Variants in MAST2 observed in about 807,000 individuals in gnomAD.
MAST2 encodes the protein microtubule associated serine/threonine kinase 2.
Under a neutral mutation model 147.4 loss-of-function variants are expected in MAST2, and 70 were observed. The ratio of observed to expected loss-of-function variants is 0.47; its 90% CI spans 0.39 to 0.58. The LOEUF (loss-of-function observed/expected upper bound fraction) is 0.58, where lower values mean the gene tolerates loss of function less well. Among genes scored for constraint, MAST2 ranks in the 20% least tolerant of loss-of-function variants. The pLI is 0.00. For missense variants in MAST2, 2,080 were observed against 2,302.3 expected, an observed-to-expected ratio of 0.90 and a Z score of 1.98; for synonymous variants, 869 against 896.8, an observed-to-expected ratio of 0.97 and a Z score of 0.55.
At chr1:45,846,093 G>A (rs1465483419) in intron 3 of MAST2, among the ~76,000 whole-genome samples, 1 of 149,374 alleles carries the variant, frequency 6.7e-6, no homozygotes, top group Admixed American at 6.7e-5. Flanking sequence ...AATTAATTGT[G>A]GGAGATCAAC....
chr1:45,810,303 T>C (rs1199953264), intron 1 of MAST2, among the ~76,000 whole-genome samples: 2 of 152,204 alleles, frequency 1.3e-5, no homozygotes, highest in East Asian at 1.9e-4. Context: ...TAAAAAATTA[T>C]TTTAATGGAA....
Position 46,035,083 on chromosome 1 carries a change from C to T in MAST2, c.4414C>T (p.Pro1472Ser), listed in dbSNP as rs763787419. The T allele has an allele frequency of 1.1e-5, 18 of 1,613,540 alleles. No individual in the cohort carries two copies. In the Admixed American group the frequency reaches 3.0e-4, roughly 27 times the overall value. The change falls in exon 29 of 29, where the codon CCT becomes TCT. Residue 1472 changes from proline to serine, a missense_variant. By Grantham distance (74) the Pro-to-Ser change is moderately conservative. Transcript: ENST00000361297. This position sits in a 1 kb window ranked among gnomAD's most constrained non-coding sequence, Gnocchi z 5.5. ...GALPGKGVLQ[P>S]APSRALGTLR... ...CCTGCCAGGGAAGGGGGTGCTGCAG[C>T]CTGCTCCCTCACGGGCCCTAGGCAC...
In MAST2 at chr1:45,933,254, G is replaced by A. The variant is rs955675751; in HGVS notation, c.501-26132G>A. Among the ~76,000 whole-genome samples, 6 of 129,726 alleles carry A rather than the reference G, an allele frequency of 4.6e-5. 1 individual carries two copies. The East Asian group carries it at 1.4e-3, about 29-fold the overall frequency. 85.1% of individuals were successfully genotyped at this position (129,726 alleles called of 152,430 possible). A position where few individuals can be genotyped will look rare whatever the true frequency, so the allele number is the denominator to read the frequency against. On this transcript the variant is annotated intron_variant, in intron 4 of 28. Transcript: ENST00000361297. ...AAAAAAAAGCGGGGGGGTTGGGGGG[G>A]GCAAATGTTGATGGTAGACATGGTT...
intron 10 of MAST2, chr1:46,011,173 T>C: frequency 1.8e-6 from 1 of 548,598 alleles, no homozygotes; most frequent in Non-Finnish European, 3.3e-6. Context: ...TCCAAAATTA[T>C]ATTACTTTGT....
chr1:45,949,947 A>G (rs1298070741), intron 4 of MAST2, among the ~76,000 whole-genome samples: 3 of 152,148 alleles, frequency 2.0e-5, no homozygotes, highest in African/African-American at 4.8e-5. Context: ...CTACGATCCT[A>G]AGTAAACTAA....
At chr1:45,908,457 A>T (rs1032161236) in intron 4 of MAST2, among the ~76,000 whole-genome samples, 14 of 152,324 alleles carry the variant, frequency 9.2e-5, no homozygotes, top group African/African-American at 2.9e-4. Context: ...CTTTAACTGT[A>T]TTCCATAATT....
rs760940881 is a variant in MAST2 at position 45,829,545 on chromosome 1, C to T, written c.432C>T (p.Ser144=). The change falls in exon 3 of 29, where the codon TCC becomes TCT. Residue 144 remains serine (S), a synonymous_variant. Transcript: ENST00000361297. ...ASNLVRMRNQ[S]LGQSAPSLTA... ...ACCTGGTTCGAATGAGAAACCAGTC[C>T]CTTGGACAGTCTGCACCTTCTCTTA... 5 of 1,613,960 alleles carry T rather than the reference C, an allele frequency of 3.1e-6. No homozygotes were observed. Among genetic ancestry groups the T allele is most frequent in the Admixed American group, 3.3e-5 (2 of 59,984 alleles).
intron 5 of MAST2, among the ~76,000 whole-genome samples, chr1:45,978,686 G>A (rs953971733): frequency 6.6e-6 from 1 of 152,194 alleles, no homozygotes; most frequent in South Asian, 2.1e-4. Context: ...AAACAGCTTG[G>A]TGTTTTCTTA....
At chr1:45,954,489 G>C (rs899081939) in intron 4 of MAST2, among the ~76,000 whole-genome samples, 3 of 152,180 alleles carry the variant, frequency 2.0e-5, no homozygotes, top group Admixed American at 2.0e-4. Context: ...CCAAGTGACT[G>C]GGATGATTTA....
intron 4 of MAST2, among the ~76,000 whole-genome samples, chr1:45,928,066 T>C (rs1191794792): frequency 6.6e-6 from 1 of 152,180 alleles, no homozygotes; most frequent in Non-Finnish European, 1.5e-5. Flanking sequence ...TTACTAAATT[T>C]TACATTGTGT....
At chr1:45,837,718 G>A (rs982708542) in intron 3 of MAST2, among the ~76,000 whole-genome samples, 2 of 152,144 alleles carry the variant, frequency 1.3e-5, no homozygotes. Context: ...TTTCTAAAGT[G>A]GCTATACCAT....
At chr1:45,875,570 G>T (rs1371974634) in intron 3 of MAST2, among the ~76,000 whole-genome samples, 1 of 152,190 alleles carries the variant, frequency 6.6e-6, no homozygotes, top group African/African-American at 2.4e-5. Flanking sequence ...GGACAAAACT[G>T]AATGAAAGGG....
In MAST2 at chr1:45,949,267, T is replaced by TA. The variant is rs1458847988; in HGVS notation, c.501-10119_501-10118insA. Among the ~76,000 whole-genome samples the TA allele has an allele frequency of 8.1e-4, 124 of 152,230 alleles. 1 individual carries two copies. The highest frequency in any genetic ancestry group is 2.8e-3 in the African/African-American group (117 of 41,548). On this transcript the variant is annotated intron_variant, in intron 4 of 28. Coordinates refer to ENST00000361297, the MANE Select transcript of MAST2 (RefSeq NM_015112.3). The stretch of plus-strand genomic sequence containing the variant: ...AGGTTCTGCACAACAAAAGAAACTA[T>TA]CAACAGAGTAAACAGACAACCTACA...
intron 4 of MAST2, among the ~76,000 whole-genome samples, chr1:45,932,527 G>C (rs1655471624): frequency 2.0e-5 from 3 of 152,032 alleles, no homozygotes; most frequent in Admixed American, 2.0e-4. Context: ...TGCAAAACTA[G>C]CCAGGCGTGG....
At chr1:45,921,734 C>T (rs1175860635) in intron 4 of MAST2, among the ~76,000 whole-genome samples, 1 of 152,230 alleles carries the variant, frequency 6.6e-6, no homozygotes, top group Non-Finnish European at 1.5e-5. Context: ...AGTCACAGCT[C>T]AGGCTCGGGG....
At position 46,017,261 on chromosome 1, in the gene MAST2, T is replaced by A. The variant is rs569212033; in HGVS notation, c.1189-2335T>A. On this transcript the variant is annotated intron_variant, in intron 10 of 28. Coordinates refer to ENST00000361297, the MANE Select transcript of MAST2 (RefSeq NM_015112.3). The stretch of plus-strand genomic sequence containing the variant: ...AGGCATTACCATTCAGGACATAGGC[T>A]TGGGCAAGGACTTCATGTCTAAAGC... Among the ~76,000 whole-genome samples the A allele has an allele frequency of 9.7e-4, 147 of 152,210 alleles. 2 individuals carry two copies. Among genetic ancestry groups the A allele is most frequent in the South Asian group, 4.8e-3 (23 of 4,824 alleles).
chr1:45,811,464 G>C (rs1312391345), intron 1 of MAST2, among the ~76,000 whole-genome samples: 3 of 150,616 alleles, frequency 2.0e-5, no homozygotes, highest in Non-Finnish European at 1.5e-5. Flanking sequence ...TCAGCCTCTG[G>C]AGTAGCTGGG....
chr1:45,969,810 C>T (rs965168661), intron 5 of MAST2, among the ~76,000 whole-genome samples: 1 of 152,150 alleles, frequency 6.6e-6, no homozygotes, highest in African/African-American at 2.4e-5. Context: ...CCCCTTGCCT[C>T]CCCACTTCCT....
chr1:45,971,857 T>C (rs979537914), intron 5 of MAST2, among the ~76,000 whole-genome samples: 1 of 152,210 alleles, frequency 6.6e-6, no homozygotes, highest in African/African-American at 2.4e-5. Flanking sequence ...ATGGAATTGA[T>C]AAGTCTTGGA....
Sources: allele counts gnomAD v4.1 joint callset (sites outside exome capture counted in the v4.1 genomes callset), GRCh38; gene constraint gnomAD v4.1.1; non-coding constraint Gnocchi (gnomAD v3.1); transcripts MANE v1.5; gene names NCBI Gene and HGNC (gene_info 2026-07-23, HGNC 2026-07-21).